The following RSRC2 variants were observed in gnomAD, a reference collection of about 807,000 sequenced individuals.
RSRC2 encodes the protein arginine and serine rich coiled-coil 2.
A neutral mutation model predicts 61.3 loss-of-function variants in RSRC2; 5 were observed. The ratio of observed to expected loss-of-function variants is 0.08; its 90% CI spans 0.04 to 0.17. The LOEUF (loss-of-function observed/expected upper bound fraction) is 0.17. Among genes scored for constraint, RSRC2 ranks in the 10% least tolerant of loss-of-function variants. RSRC2 has a pLI of 1.00. For synonymous variants in RSRC2, 202 were observed against 166.5 expected (o/e 1.21, Z -1.64); for missense variants, 381 against 518.8 (o/e 0.73, Z 2.58).
At chr12:122,520,931 C>T (rs957543819) in intron 3 of RSRC2, 1 of 227,810 alleles carries the variant, frequency 4.4e-6, no homozygotes, top group East Asian at 1.2e-4. Context: ...TTCAATACTA[C>T]TATTAGGGAA....
At chr12:122,526,689 C>T (rs1565915008) in intron 1 of RSRC2, among the ~76,000 whole-genome samples, 159 bp downstream of exon 1, 1 of 152,200 alleles carries the variant, frequency 6.6e-6, no homozygotes, top group African/African-American at 2.4e-5. Context: ...TTACTTCCCC[C>T]TCCCTACAGC....
chr12:122,517,522 AAAGAC>A, intron 4 of RSRC2, 92 bp from the exon 5 acceptor site: 2 of 1,465,398 alleles, frequency 1.4e-6, no homozygotes, highest in Non-Finnish European at 1.9e-6. Flanking sequence ...GTAACGCAAT[AAAGAC>A]AAGCAAGTAA....
chr12:122,515,356 A>T (rs1958827009), intron 5 of RSRC2, 129 bp from the exon 6 acceptor site: 3 of 869,002 alleles, frequency 3.5e-6, no homozygotes, highest in African/African-American at 3.4e-5. Flanking sequence ...CAAAAGATTT[A>T]AAACATCAGT....
chr12:122,514,735 G>A, intron 6 of RSRC2: 1 of 1,158,728 alleles, frequency 8.6e-7, no homozygotes, highest in Non-Finnish European at 1.1e-6. Flanking sequence ...TTGTCTATTT[G>A]AGGGAGAAAA....
At chr12:122,516,492 T>C (rs1958935215) in intron 5 of RSRC2, among the ~76,000 whole-genome samples, 1 of 152,224 alleles carries the variant, frequency 6.6e-6, no homozygotes, top group Non-Finnish European at 1.5e-5. Context: ...CACTTAATAA[T>C]GATACTGTTT....
intron 3 of RSRC2, 85 bp from the exon 4 acceptor site, chr12:122,519,114 A>G (rs1426252383): frequency 2.9e-6 from 3 of 1,046,808 alleles, no homozygotes; most frequent in Non-Finnish European, 4.4e-6. Context: ...AAATGTTGTG[A>G]TGCAACATTA....
In RSRC2 at chr12:122,509,502, T is replaced by G. The variant is rs181196526; in HGVS notation, c.806-1055A>C. ...AAAAAACCCAAAAACAACAACAGTATGCAGGTATTATGCTAAGTCCAAGTT... is the reference window on the plus strand; with the variant it reads ...AAAAAACCCAAAAACAACAACAGTAGGCAGGTATTATGCTAAGTCCAAGTT... On this transcript the variant is annotated intron_variant, in intron 7 of 9. Transcript: ENST00000331738. Among the ~76,000 whole-genome samples, 56 of 151,430 alleles carry G rather than the reference T, an allele frequency of 3.7e-4. 1 individual carries two copies. The highest frequency in any genetic ancestry group is 1.3e-3 in the African/African-American group (54 of 41,276).
At chr12:122,516,376 G>A (rs1413757663) in intron 5 of RSRC2, among the ~76,000 whole-genome samples, 1 of 152,146 alleles carries the variant, frequency 6.6e-6, no homozygotes, top group East Asian at 1.9e-4. Context: ...AATCTAAATT[G>A]TGTTCATTTA....
At chr12:122,520,701 C>T in intron 3 of RSRC2, 1 of 567,084 alleles carries the variant, frequency 1.8e-6, no homozygotes, top group Admixed American at 2.7e-5. Flanking sequence ...GGTGAAGTCC[C>T]TGCCCACTCT....
chr12:122,526,731 C>G (rs1238611839), intron 1 of RSRC2, 117 bp downstream of exon 1: 2 of 1,215,072 alleles, frequency 1.6e-6, no homozygotes, highest in Non-Finnish European at 2.4e-6. Flanking sequence ...CAGAAGAAGG[C>G]CGCGGCGCCA....
chr12:122,513,494 G>T (rs79959284), intron 6 of RSRC2, among the ~76,000 whole-genome samples: 13 of 151,816 alleles, frequency 8.6e-5, no homozygotes, highest in South Asian at 2.1e-4. Context: ...ATGACATTTT[G>T]GATGCTATTA....
At chr12:122,516,882 G>A (rs140847616) in intron 5 of RSRC2, among the ~76,000 whole-genome samples, 3 of 152,160 alleles carry the variant, frequency 2.0e-5, no homozygotes, top group African/African-American at 7.2e-5. Context: ...TTGTAGACAT[G>A]GGGTTTCACC....
rs1479439933 is a variant in RSRC2 at position 122,504,529 on chromosome 12, G to C, written c.*998C>G. The C allele has an allele frequency of 6.6e-6, 1 of 152,246 alleles. No homozygotes were observed. Among genetic ancestry groups the C allele is most frequent in the Non-Finnish European group, 1.5e-5 (1 of 68,072 alleles). The allele number at this position is 152,246 out of a possible 1,614,324, so 9.4% of individuals were successfully genotyped here. On this transcript the variant is annotated 3_prime_UTR_variant, in exon 10 of 10. Transcript: ENST00000331738. ...TAATCCCAGTTACATGGGAGGTGGA[G>C]GTGGGAGAATTGCTTGAACCTGGGG...
At chr12:122,511,576 C>G (rs1056911655) in intron 6 of RSRC2, among the ~76,000 whole-genome samples, 2 of 152,104 alleles carry the variant, frequency 1.3e-5, no homozygotes, top group African/African-American at 4.8e-5. Flanking sequence ...GAGAAAAAGC[C>G]AGCCGATCAA....
intron 1 of RSRC2, chr12:122,523,222 A>G (rs1381063523): frequency 6.6e-6 from 1 of 152,232 alleles, no homozygotes; most frequent in African/African-American, 2.4e-5. Context: ...GTTAAAACTA[A>G]AGGCACTTAA....
At chr12:122,522,626 T>C (rs1959391972) in intron 1 of RSRC2, among the ~76,000 whole-genome samples, 1 of 152,144 alleles carries the variant, frequency 6.6e-6, no homozygotes, top group South Asian at 2.1e-4. Context: ...GCAGAGAAAA[T>C]AGTCCTTTTT....
At chr12:122,520,464 A>T (rs1197483168) in intron 3 of RSRC2, 1 of 1,060,210 alleles carries the variant, frequency 9.4e-7, no homozygotes, top group East Asian at 4.8e-5. Context: ...GATTTAAGAT[A>T]TATTTAAGGG....
chr12:122,526,751 C>G (rs1307867191), intron 1 of RSRC2, 97 bp downstream of exon 1: 2 of 1,409,208 alleles, frequency 1.4e-6, no homozygotes, highest in Non-Finnish European at 2.0e-6. Context: ...ATTTTGTCTA[C>G]ACACATACAC....
chr12:122,526,629 T>C (rs910622660), intron 1 of RSRC2, among the ~76,000 whole-genome samples: 1 of 151,834 alleles, frequency 6.6e-6, no homozygotes, highest in Non-Finnish European at 1.5e-5. Context: ...AGGAAAGTTC[T>C]GGAAAAAAAA....
Sources: gnomAD v4.1 joint callset for allele counts (sites outside exome capture counted in the v4.1 genomes callset) on GRCh38, gnomAD v4.1.1 for gene constraint, MANE v1.5 for transcripts, NCBI Gene and HGNC (gene_info 2026-07-23, HGNC 2026-07-21) for gene names.